The following GRIA4 variants were observed in gnomAD, a reference collection of about 807,000 sequenced individuals.
GRIA4 encodes the protein glutamate receptor 4.
In GRIA4, 34 loss-of-function variants were observed where a neutral mutation model predicts 104.0. The observed-to-expected ratio is 0.33, with a 90% CI of 0.25 to 0.44. The LOEUF (loss-of-function observed/expected upper bound fraction) is 0.44, where lower values mean the gene tolerates loss of function less well. Among genes scored for constraint, GRIA4 ranks in the 20% least tolerant of loss-of-function variants. The pLI is 1.00. For synonymous variants in GRIA4, 386 were observed against 381.9 expected, an observed-to-expected ratio of 1.01 and a Z score of -0.13; for missense variants, 750 against 1,096.5, an observed-to-expected ratio of 0.68 and a Z score of 4.46.
chr11:105,712,774 C>G (rs1953957311), intron 3 of GRIA4, among the ~76,000 whole-genome samples: 1 of 151,340 alleles, frequency 6.6e-6, no homozygotes, highest in Non-Finnish European at 1.5e-5. Flanking sequence ...ATCATTGCAG[C>G]CCAGATTTAA....
chr11:105,695,025 C>T (rs1953218812), intron 3 of GRIA4, among the ~76,000 whole-genome samples: 1 of 152,158 alleles, frequency 6.6e-6, no homozygotes, highest in South Asian at 2.1e-4. Flanking sequence ...GGGTACATAG[C>T]TAGTTCAGTA....
At chr11:105,927,517 T>C (rs938383584) in intron 13 of GRIA4, among the ~76,000 whole-genome samples, 3 of 152,126 alleles carry the variant, frequency 2.0e-5, no homozygotes, top group Non-Finnish European at 4.4e-5. Flanking sequence ...TTTGTGCTGA[T>C]TTCTCTGCTT....
chr11:105,888,170 T>C (rs1946334005), intron 6 of GRIA4, among the ~76,000 whole-genome samples: 2 of 151,480 alleles, frequency 1.3e-5, no homozygotes, highest in South Asian at 4.2e-4. Context: ...AGATTATGTA[T>C]GGAGCGGCCC....
intron 3 of GRIA4, among the ~76,000 whole-genome samples, chr11:105,697,309 A>G (rs925672883): frequency 5.3e-5 from 8 of 152,158 alleles, no homozygotes; most frequent in Admixed American, 2.6e-4. Context: ...CTCTCCAGAA[A>G]AAAAGCCTAA....
chr11:105,974,160 T>C (rs763744935), intron 15 of GRIA4, 150 bp from the exon 16 acceptor site: 8 of 714,882 alleles, frequency 1.1e-5, no homozygotes, highest in Middle Eastern at 2.8e-4. Context: ...TATGTTTAAG[T>C]CCATTAGCCT....
intron 10 of GRIA4, among the ~76,000 whole-genome samples, chr11:105,910,902 ATAT>A (rs1469538839): frequency 1.3e-5 from 2 of 152,104 alleles, no homozygotes; most frequent in African/African-American, 2.4e-5. Context: ...AGTAGTAAAC[ATAT>A]TATTATTGTT....
chr11:105,807,879 C>G (rs1027928646), intron 4 of GRIA4, among the ~76,000 whole-genome samples: 2 of 151,874 alleles, frequency 1.3e-5, no homozygotes, highest in African/African-American at 4.8e-5. Context: ...GTTCTGAATA[C>G]TTCTCATAGT....
chr11:105,914,133 CT>C (rs764590650), intron 10 of GRIA4, among the ~76,000 whole-genome samples: 206 of 151,616 alleles, frequency 1.4e-3, no homozygotes, highest in African/African-American at 4.6e-3. Flanking sequence ...ATTAATTTTC[CT>C]ATTTCACATC....
At chr11:105,828,736 T>C (rs563409511) in intron 4 of GRIA4, among the ~76,000 whole-genome samples, 27 of 151,936 alleles carry the variant, frequency 1.8e-4, no homozygotes, top group African/African-American at 6.0e-4. Context: ...TTTCCATACA[T>C]GGTGTAACAA....
rs115019747 is a variant in GRIA4, at chr11:105,684,247, G to A, written c.248-68734G>A. Among the ~76,000 whole-genome samples, 514 of 152,166 alleles carry A rather than the reference G, an allele frequency of 3.4e-3. 6 individuals are homozygous for A. Among genetic ancestry groups the A allele is most frequent in the African/African-American group, 0.012 (488 of 41,520 alleles). ...GAAGACAAGTAACAGAAGTATGATC[G>A]TGTTTCTGTCTTCAAGATGTTCTTA... On this transcript the variant is annotated intron_variant, in intron 3 of 16. Coordinates refer to ENST00000282499, the MANE Select transcript of GRIA4 (RefSeq NM_000829.4).
Position 105,910,419 on chromosome 11 carries a change from G to A in GRIA4, c.1159-16G>A. The stretch of plus-strand genomic sequence containing the variant: ...GCTTCTAAAATATGTTTTCAAGCAT[G>A]TTCTCTATTTGGCAGGTTGGTTACT... On this transcript the variant is annotated splice_polypyrimidine_tract_variant and intron_variant, in intron 9 of 16. Transcript: ENST00000282499. 1 of 1,217,552 alleles carries A rather than the reference G, an allele frequency of 8.2e-7. No homozygotes were observed. 75.4% of individuals were successfully genotyped at this position (1,217,552 alleles called of 1,614,324 possible). A position where few individuals can be genotyped will look rare whatever the true frequency, so the allele number is the denominator to read the frequency against.
chr11:105,639,870 C>G (rs1337959587), intron 3 of GRIA4, among the ~76,000 whole-genome samples: 1 of 151,936 alleles, frequency 6.6e-6, no homozygotes, highest in Non-Finnish European at 1.5e-5. Flanking sequence ...GCAGTAAACA[C>G]TACACTTTTC....
intron 3 of GRIA4, among the ~76,000 whole-genome samples, chr11:105,637,850 A>C (rs1394863763): frequency 6.6e-6 from 1 of 152,206 alleles, no homozygotes; most frequent in Non-Finnish European, 1.5e-5. Context: ...AGCTAAGCCC[A>C]GGTGCAAATG....
intron 3 of GRIA4, among the ~76,000 whole-genome samples, chr11:105,646,548 C>T (rs901923643): frequency 1.3e-5 from 2 of 152,150 alleles, no homozygotes; most frequent in Non-Finnish European, 2.9e-5. Flanking sequence ...CCCTATACTA[C>T]AGGGCTACAC....
intron 4 of GRIA4, among the ~76,000 whole-genome samples, chr11:105,753,738 T>C (rs1940142860): frequency 6.6e-6 from 1 of 152,256 alleles, no homozygotes; most frequent in East Asian, 1.9e-4. Flanking sequence ...GTGACCCTTC[T>C]CCTTGGGTTC....
chr11:105,743,990 C>T (rs915687787), intron 3 of GRIA4, among the ~76,000 whole-genome samples: 20 of 152,166 alleles, frequency 1.3e-4, no homozygotes, highest in African/African-American at 4.8e-4. Flanking sequence ...ACTACAATAG[C>T]CTACTTACTG....
At position 105,799,824 on chromosome 11, in the gene GRIA4, A is replaced by G. The variant is rs188925762; in HGVS notation, c.487+46604A>G. Among the ~76,000 whole-genome samples, 6 of 152,238 alleles carry G rather than the reference A, an allele frequency of 3.9e-5. No homozygotes were observed. The East Asian group carries it at 9.7e-4, about 25-fold the overall frequency. On this transcript the variant is annotated intron_variant, in intron 4 of 16. Coordinates refer to ENST00000282499, the MANE Select transcript of GRIA4 (RefSeq NM_000829.4). ...AGCAAATTAAGAAAGGGAATGGACT[A>G]GGAACATAGAGTACAGTTACCAGGG...
chr11:105,972,992 C>T (rs1046933452), intron 15 of GRIA4, among the ~76,000 whole-genome samples: 6 of 152,140 alleles, frequency 3.9e-5, no homozygotes, highest in Non-Finnish European at 8.8e-5. Flanking sequence ...CCCTTTCAGG[C>T]CTTATCCCTA....
chr11:105,762,555 T>C (rs535111451), intron 4 of GRIA4, among the ~76,000 whole-genome samples: 3 of 152,310 alleles, frequency 2.0e-5, no homozygotes, highest in East Asian at 3.9e-4. Flanking sequence ...TTTTTTTGTG[T>C]CATAGATTGA....
Sources: allele counts gnomAD v4.1 joint callset (sites outside exome capture counted in the v4.1 genomes callset), GRCh38; gene constraint gnomAD v4.1.1; transcripts MANE v1.5; gene names NCBI Gene and HGNC (gene_info 2026-07-23, HGNC 2026-07-21).